Variants in TOX3 observed in about 807,000 individuals in gnomAD.
TOX3 encodes the protein CAG trinucleotide repeat-containing gene F9 protein.
Under a neutral mutation model 64.3 loss-of-function variants are expected in TOX3, and 22 were observed. The observed-to-expected ratio is 0.34, with a 90% CI of 0.24 to 0.49. TOX3 has a LOEUF of 0.49. Ranked by LOEUF, TOX3 falls within the 20% of genes least tolerant of loss-of-function variation. The probability of loss-of-function intolerance (pLI) is 0.99; values close to 1 mark genes in which losing one functional copy is unlikely to be tolerated. For missense variants in TOX3, 661 were observed against 714.4 expected (o/e 0.93, Z 0.85); for synonymous variants, 291 against 273.6 (o/e 1.06, Z -0.63).
rs370637274 is a variant in TOX3, at chr16:52,508,793, G to T, written c.87+37844C>A. Among the ~76,000 whole-genome samples, 10 of 152,014 alleles carry T rather than the reference G, an allele frequency of 6.6e-5. 2 individuals carry two copies. The highest frequency in any genetic ancestry group is 4.6e-4 in the Admixed American group (7 of 15,260). ...ACAAAGTTGGATGTTAGACAAATAG[G>T]TGATCATTTTATTACTATTATTTAA... On this transcript the variant is annotated intron_variant, in intron 1 of 6. Transcript: ENST00000219746.
At chr16:52,518,123 T>C (rs756544325) in intron 1 of TOX3, among the ~76,000 whole-genome samples, 2 of 152,228 alleles carry the variant, frequency 1.3e-5, no homozygotes, top group Non-Finnish European at 2.9e-5. Context: ...TGAGATTCAT[T>C]ATTTTGCACA....
At chr16:52,452,576 G>A (rs1332833240) in intron 3 of TOX3, among the ~76,000 whole-genome samples, 1 of 151,896 alleles carries the variant, frequency 6.6e-6, no homozygotes, top group Non-Finnish European at 1.5e-5. Context: ...TATACCTAAT[G>A]CTAAATGACG....
At chr16:52,546,388 G>A (rs1351902076) in intron 1 of TOX3, among the ~76,000 whole-genome samples, 1 of 152,044 alleles carries the variant, frequency 6.6e-6, no homozygotes, top group African/African-American at 2.4e-5. Flanking sequence ...CAGCAAAGGA[G>A]AGTCTGGCGG....
chr16:52,519,028 A>G (rs1250556768), intron 1 of TOX3, among the ~76,000 whole-genome samples: 1 of 152,242 alleles, frequency 6.6e-6, no homozygotes, highest in East Asian at 1.9e-4. Flanking sequence ...AATGTCAGGT[A>G]TCAGGAAATC....
At chr16:52,453,427 G>T (rs1960417650) in intron 3 of TOX3, among the ~76,000 whole-genome samples, 1 of 152,042 alleles carries the variant, frequency 6.6e-6, no homozygotes. Flanking sequence ...CAAGTGATCT[G>T]CCAGCCTCGG....
chr16:52,445,969 G>T, intron 5 of TOX3, 25 bp downstream of exon 5: 1 of 1,595,182 alleles, frequency 6.3e-7, no homozygotes, highest in Non-Finnish European at 8.6e-7. Context: ...TTTATTGATG[G>T]AGCCTTGATG....
At chr16:52,455,970 G>C (rs1960504684) in intron 3 of TOX3, among the ~76,000 whole-genome samples, 1 of 152,192 alleles carries the variant, frequency 6.6e-6, no homozygotes, top group Non-Finnish European at 1.5e-5. Context: ...AACCAAGCCA[G>C]GGCATCCCAG....
intron 1 of TOX3, among the ~76,000 whole-genome samples, chr16:52,536,898 T>A (rs973827792): frequency 8.6e-5 from 13 of 151,348 alleles, no homozygotes; most frequent in African/African-American, 2.4e-4. Flanking sequence ...TGTGCACATA[T>A]TTACATATTT....
In TOX3 at chr16:52,439,651, C is replaced by T. The variant is rs375565247; in HGVS notation, c.1305G>A (p.Ser435=). The T allele has an allele frequency of 1.5e-5, 24 of 1,613,780 alleles. No individual in the cohort carries two copies. Among genetic ancestry groups the T allele is most frequent in the African/African-American group, 4.0e-5 (3 of 74,872 alleles). The change falls in exon 7 of 7, where the codon TCG becomes TCA. Residue 435 remains serine, a synonymous_variant. Coordinates refer to ENST00000219746, the MANE Select transcript of TOX3 (RefSeq NM_001080430.4). ...GSAPSTQVSP[S]VQTQQHQMQL... is the part of the protein sequence containing the mutation. ...GCATCTGATGCTGCTGGGTTTGCACCGAAGGACTCACTTGGGTGGAGGGTG... is the reference window on the plus strand; with the variant it reads ...GCATCTGATGCTGCTGGGTTTGCACTGAAGGACTCACTTGGGTGGAGGGTG...
At chr16:52,480,882 C>T (rs949125513) in intron 1 of TOX3, among the ~76,000 whole-genome samples, 13 of 149,170 alleles carry the variant, frequency 8.7e-5, no homozygotes, top group Non-Finnish European at 4.5e-5. Flanking sequence ...GATTCTCTGC[C>T]GGGGCAATTT....
chr16:52,449,596 T>C lies in TOX3; in HGVS notation c.678+681A>G, dbSNP rs149923325. Among the ~76,000 whole-genome samples, 510 of 152,336 alleles carry C rather than the reference T, an allele frequency of 3.3e-3. 2 individuals are homozygous for C. The highest frequency in any genetic ancestry group is 0.012 in the African/African-American group (481 of 41,584). On this transcript the variant is annotated intron_variant, in intron 4 of 6. Coordinates refer to ENST00000219746, the MANE Select transcript of TOX3 (RefSeq NM_001080430.4). Reference sequence around the variant, plus strand: ...AGGGGAATCTCATTAGCAGTAATTCTCTTATAAATCTTTGTATCACAAGAA... The same window carrying C: ...AGGGGAATCTCATTAGCAGTAATTCCCTTATAAATCTTTGTATCACAAGAA...
chr16:52,449,321 A>C (rs1286411168), intron 4 of TOX3, among the ~76,000 whole-genome samples: 1 of 152,126 alleles, frequency 6.6e-6, no homozygotes, highest in East Asian at 1.9e-4. Context: ...ATCGAACTTC[A>C]CTATACCCAT....
At chr16:52,444,391 G>C in intron 5 of TOX3, 35 bp from the exon 6 acceptor site, 3 of 1,485,464 alleles carry the variant, frequency 2.0e-6, no homozygotes, top group Non-Finnish European at 2.7e-6. Flanking sequence ...CACCTTTAGC[G>C]TATAAATTCT....
At chr16:52,504,743 C>T (rs1156643760) in intron 1 of TOX3, among the ~76,000 whole-genome samples, 1 of 152,038 alleles carries the variant, frequency 6.6e-6, no homozygotes, top group African/African-American at 2.4e-5. Flanking sequence ...GCAAGGGACT[C>T]GATCTCAGGA....
chr16:52,503,915 G>A (rs1397489304), intron 1 of TOX3, among the ~76,000 whole-genome samples: 4 of 152,126 alleles, frequency 2.6e-5, no homozygotes, highest in Non-Finnish European at 5.9e-5. Flanking sequence ...ACATCATTCC[G>A]AAGTCCGCTT....
rs1404847959 is a variant in TOX3, at chr16:52,547,109, T to A, written c.-386A>T. Reference sequence around the variant, plus strand: ...CGGCTGGCCCCGCTCCTCCTCCTCCTCCCCGGGCGGACTGAGGAGACGAGC... The same window carrying A: ...CGGCTGGCCCCGCTCCTCCTCCTCCACCCCGGGCGGACTGAGGAGACGAGC... On this transcript the variant is annotated 5_prime_UTR_variant, in exon 1 of 7. Coordinates refer to ENST00000219746, the MANE Select transcript of TOX3 (RefSeq NM_001080430.4). 4.3e-6 allele frequency: 1 copy of A among 232,378 alleles called. No homozygotes were observed. Among genetic ancestry groups the A allele is most frequent in the South Asian group, 1.4e-4 (1 of 7,122 alleles). The allele number at this position is 232,378 out of a possible 1,614,324, so 14.4% of individuals were successfully genotyped here. A position where few individuals can be genotyped will look rare whatever the true frequency, so the allele number is the denominator to read the frequency against.
chr16:52,451,510 T>G (rs1960345816), intron 3 of TOX3, among the ~76,000 whole-genome samples: 1 of 152,150 alleles, frequency 6.6e-6, no homozygotes, highest in Non-Finnish European at 1.5e-5. Context: ...ATGACTTACT[T>G]TAAGACATGT....
intron 2 of TOX3, 108 bp downstream of exon 2, chr16:52,468,401 G>T (rs1960928990): frequency 3.2e-6 from 3 of 940,450 alleles, no homozygotes; most frequent in South Asian, 1.8e-5. Flanking sequence ...GTTACCTTGT[G>T]CCACATAAGA....
At position 52,460,763 on chromosome 16, in the gene TOX3, A is replaced by T. The variant is rs527580652; in HGVS notation, c.408+3171T>A. On this transcript the variant is annotated intron_variant, in intron 3 of 6. Coordinates refer to ENST00000219746, the MANE Select transcript of TOX3 (RefSeq NM_001080430.4). Reference sequence around the variant, plus strand: ...GAATGCTGGCAAAGGCTATAATAGCATAGAGATAAATCGTTCATCTGCTCT... The same window carrying T: ...GAATGCTGGCAAAGGCTATAATAGCTTAGAGATAAATCGTTCATCTGCTCT... Among the ~76,000 whole-genome samples the T allele has an allele frequency of 5.9e-5, 9 of 152,252 alleles. No homozygotes were observed. In the East Asian group the frequency reaches 1.7e-3, roughly 29 times the overall value.
Sources: gnomAD v4.1 joint callset for allele counts (sites outside exome capture counted in the v4.1 genomes callset) on GRCh38, gnomAD v4.1.1 for gene constraint, MANE v1.5 for transcripts, NCBI Gene and HGNC (gene_info 2026-07-23, HGNC 2026-07-21) for gene names.